Variants in CXXC5 observed in about 807,000 individuals in gnomAD.
The protein encoded by CXXC5 is CXXC finger protein 5.
In CXXC5, 2 loss-of-function variants were observed where a neutral mutation model predicts 17.6. That is an observed-to-expected ratio of 0.11 (90% CI 0.05 to 0.36). The LOEUF is 0.36. Ranked by LOEUF, CXXC5 falls within the 10% of genes least tolerant of loss-of-function variation. The pLI is 1.00. For synonymous variants in CXXC5, 171 were observed against 193.0 expected, an observed-to-expected ratio of 0.89 and a Z score of 0.94; for missense variants, 343 against 458.3, an observed-to-expected ratio of 0.75 and a Z score of 2.30.
At chr5:139,671,510 TGGC>T (rs1477589981) in intron 1 of CXXC5, among the ~76,000 whole-genome samples, 1 of 152,028 alleles carries the variant, frequency 6.6e-6, no homozygotes, top group Non-Finnish European at 1.5e-5. Context: ...CAGCCGCGGG[TGGC>T]GGGTTGGGGC....
At chr5:139,664,917 T>G (rs1756015458) in intron 1 of CXXC5, among the ~76,000 whole-genome samples, 1 of 152,238 alleles carries the variant, frequency 6.6e-6, no homozygotes. Context: ...CTCTGTGGGT[T>G]GCTGTGACCA....
At chr5:139,669,675 T>C (rs1223719314) in intron 1 of CXXC5, among the ~76,000 whole-genome samples, 1 of 151,988 alleles carries the variant, frequency 6.6e-6, no homozygotes, top group Admixed American at 6.5e-5. Flanking sequence ...GGCACACAAG[T>C]ACAATTTTTG....
chr5:139,681,826 C>T (rs1323447220), intron 2 of CXXC5, among the ~76,000 whole-genome samples: 2 of 152,222 alleles, frequency 1.3e-5, no homozygotes, highest in East Asian at 3.9e-4. Flanking sequence ...ACCTAGAACT[C>T]TGGGTCTCTC....
rs1329329181 is a variant in CXXC5 at position 139,668,176 on chromosome 5, A to T, written c.-160-12188A>T. Reference sequence around the variant, plus strand: ...CTCCGCCTCCCAGACCTCTGGGGCCATGAATCATTTATGAGGCAAAAATGA... The same window carrying T: ...CTCCGCCTCCCAGACCTCTGGGGCCTTGAATCATTTATGAGGCAAAAATGA... On this transcript the variant is annotated intron_variant, in intron 1 of 2. Coordinates refer to ENST00000302517, the MANE Select transcript of CXXC5 (RefSeq NM_016463.9). The surrounding 1 kb of genome is among the most constrained non-coding windows in gnomAD (Gnocchi z 4.1). 2.6e-5 allele frequency among the ~76,000 whole-genome samples: 4 copies of T among 152,132 alleles called. No homozygotes were observed.
Position 139,668,165 on chromosome 5 carries a change from C to T in CXXC5, c.-160-12199C>T, listed in dbSNP as rs1756219421. On this transcript the variant is annotated intron_variant, in intron 1 of 2. Transcript: ENST00000302517. The surrounding 1 kb of genome is among the most constrained non-coding windows in gnomAD (Gnocchi z 4.1). ...CCTGCCACTCCCTCCGCCTCCCAGA[C>T]CTCTGGGGCCATGAATCATTTATGA... 6.6e-6 allele frequency among the ~76,000 whole-genome samples: 1 copy of T among 152,176 alleles called. No homozygotes were observed. Among genetic ancestry groups the T allele is most frequent in the African/African-American group, 2.4e-5 (1 of 41,444 alleles).
At chr5:139,667,426 G>C (rs1486593556) in intron 1 of CXXC5, among the ~76,000 whole-genome samples, 2 of 152,232 alleles carry the variant, frequency 1.3e-5, no homozygotes, top group Non-Finnish European at 2.9e-5. Context: ...CTAGTGCCCA[G>C]CACTGGGTTA....
At chr5:139,647,379 T>G (rs1483607328), upstream of CXXC5, 1 of 152,072 alleles carries the variant, frequency 6.6e-6, no homozygotes, top group Non-Finnish European at 1.5e-5. Flanking sequence ...TGGAGAAAAC[T>G]TCCACTTTGG....
chr5:139,678,101 C>G (rs973879893), intron 1 of CXXC5, among the ~76,000 whole-genome samples: 2 of 152,372 alleles, frequency 1.3e-5, no homozygotes, highest in Admixed American at 6.5e-5. Flanking sequence ...GCCTTCTCCC[C>G]TCACCCAGTA....
At chr5:139,672,016 C>T (rs1456655045) in intron 1 of CXXC5, among the ~76,000 whole-genome samples, 2 of 152,158 alleles carry the variant, frequency 1.3e-5, no homozygotes, top group African/African-American at 2.4e-5. Context: ...TAGTAGAATC[C>T]GGTGAGAAAA....
chr5:139,683,108 A>G lies in CXXC5; in HGVS notation c.*201A>G. 2 of 421,234 alleles carry G rather than the reference A, an allele frequency of 4.7e-6. No homozygotes were observed. The highest frequency in any genetic ancestry group is 8.1e-6 in the Non-Finnish European group (2 of 247,044). The allele number at this position is 421,234 out of a possible 1,614,324, so 26.1% of individuals were successfully genotyped here. On this transcript the variant is annotated 3_prime_UTR_variant, in exon 3 of 3. Coordinates refer to ENST00000302517, the MANE Select transcript of CXXC5 (RefSeq NM_016463.9). The stretch of plus-strand genomic sequence containing the variant: ...ACGTCCCTAGCATAAAAAGAAAAAG[A>G]AAAAAATTTAAACTGCTTTTTCGGA...
chr5:139,652,161 C>CGTGT lies in CXXC5; in HGVS notation c.-161+3317_-161+3318insTGTG, dbSNP rs1485366571. 1.9e-4 allele frequency among the ~76,000 whole-genome samples: 24 copies of CGTGT among 126,470 alleles called. 1 individual carries two copies. The highest frequency in any genetic ancestry group is 1.4e-3 in the East Asian group (6 of 4,328). 83.0% of individuals were successfully genotyped at this position (126,470 alleles called of 152,430 possible). ...TCCTAGCCGCCGGCGCGCGCGCGCG[C>CGTGT]GCGCGCGCGCGTGTGTGTGTGTGTG... On this transcript the variant is annotated intron_variant, in intron 1 of 2. Transcript: ENST00000302517.
chr5:139,673,942 G>A (rs1395925899), intron 1 of CXXC5, among the ~76,000 whole-genome samples: 2 of 152,082 alleles, frequency 1.3e-5, no homozygotes, highest in Non-Finnish European at 2.9e-5. Flanking sequence ...ACCCACCCCA[G>A]CAGGAGGGGT....
In CXXC5 at chr5:139,658,730, G is replaced by T. The variant is rs915605904; in HGVS notation, c.-161+9885G>T. 6.6e-6 allele frequency among the ~76,000 whole-genome samples: 1 copy of T among 152,206 alleles called. No individual in the cohort carries two copies. Among genetic ancestry groups the T allele is most frequent in the Non-Finnish European group, 1.5e-5 (1 of 68,020 alleles). On this transcript the variant is annotated intron_variant, in intron 1 of 2. Coordinates refer to ENST00000302517, the MANE Select transcript of CXXC5 (RefSeq NM_016463.9). This position sits in a 1 kb window ranked among gnomAD's most constrained non-coding sequence, Gnocchi z 4.1. ...CCAGCTCCCCCTCTGACTCATGGCC[G>T]CCTGCAGCTCCCCCTCCCTTGGGGT...
intron 1 of CXXC5, among the ~76,000 whole-genome samples, chr5:139,654,379 T>C (rs1208194654): frequency 6.6e-6 from 1 of 152,206 alleles, no homozygotes; most frequent in African/African-American, 2.4e-5. Context: ...AGTTGTGTTA[T>C]CTCTACAAAC....
At chr5:139,648,953 C>G (rs1387050086) in intron 1 of CXXC5, 108 bp downstream of exon 1, 4 of 152,282 alleles carry the variant, frequency 2.6e-5, no homozygotes, top group African/African-American at 7.2e-5. Flanking sequence ...CGGCCGGGGC[C>G]GGAGTTCGCT....
In CXXC5 at chr5:139,681,252, C is replaced by T; in HGVS notation, c.729C>T (p.Tyr243=). 6.2e-7 allele frequency: 1 copy of T among 1,612,188 alleles called. No homozygotes were observed. The highest frequency in any genetic ancestry group is 8.5e-7 in the Non-Finnish European group (1 of 1,179,566). ...TGCACATGGCGGGCCTGGCTGAGTA[C>T]CCCATGCAGGGAGAGCTGGCCTCTG... ...SALHMAGLAE[Y]PMQGELASAI... Residue 243 remains tyrosine, a synonymous_variant, in exon 2 of 3, where the codon TAC becomes TAT. Coordinates refer to ENST00000302517, the MANE Select transcript of CXXC5 (RefSeq NM_016463.9).
intron 1 of CXXC5, chr5:139,651,192 TTGGC>T: frequency 6.6e-6 from 1 of 152,528 alleles, no homozygotes; most frequent in Non-Finnish European, 1.5e-5. Flanking sequence ...AGACAGACCC[TTGGC>T]TGGCTGGCTG....
upstream of CXXC5, among the ~76,000 whole-genome samples, chr5:139,647,709 C>G (rs1754945420): frequency 2.4e-4 from 36 of 152,198 alleles, no homozygotes; most frequent in Admixed American, 2.4e-3. Flanking sequence ...AGAGTTGAGG[C>G]TGATGCCTGC....
At position 139,648,508 on chromosome 5, in the gene CXXC5, C is replaced by G. The variant is rs890730934; in HGVS notation, c.-498C>G. 8 of 152,648 alleles carry G rather than the reference C, an allele frequency of 5.2e-5. No homozygotes were observed. Among genetic ancestry groups the G allele is most frequent in the Admixed American group, 4.6e-4 (7 of 15,272 alleles). 9.5% of individuals were successfully genotyped at this position (152,648 alleles called of 1,614,324 possible). A position where few individuals can be genotyped will look rare whatever the true frequency, so the allele number is the denominator to read the frequency against. On this transcript the variant is annotated 5_prime_UTR_variant, in exon 1 of 3. Coordinates refer to ENST00000302517, the MANE Select transcript of CXXC5 (RefSeq NM_016463.9). ...CGTCCCAGCCCTGCCCAGCCCGCGC[C>G]CAGCCATGCGCGCCGCCTGCTGAGT...
Sources: allele counts gnomAD v4.1 joint callset (sites outside exome capture counted in the v4.1 genomes callset), GRCh38; gene constraint gnomAD v4.1.1; non-coding constraint Gnocchi (gnomAD v3.1); transcripts MANE v1.5; gene names NCBI Gene and HGNC (gene_info 2026-07-23, HGNC 2026-07-21).